YLPM1: variants seen among roughly 807,000 people sequenced by gnomAD.
YLPM1 encodes the protein YLP motif containing 1, also known as YLP motif-containing protein 1.
YLPM1 carries 99 observed loss-of-function variants against 230.0 expected under a neutral mutation model. The observed-to-expected ratio is 0.43, with a 90% CI of 0.37 to 0.51. YLPM1 has a LOEUF of 0.51. Among genes scored for constraint, YLPM1 ranks in the 20% least tolerant of loss-of-function variants. YLPM1 has a pLI of 0.00. For synonymous variants in YLPM1, 984 were observed against 942.5 expected (o/e 1.04, Z -0.81); for missense variants, 2,592 against 2,707.7 (o/e 0.96, Z 0.95).
intron 1 of YLPM1, among the ~76,000 whole-genome samples, chr14:74,776,112 A>T (rs1342243774): frequency 6.6e-6 from 1 of 151,188 alleles, no homozygotes; most frequent in Non-Finnish European, 1.5e-5. Context: ...TAATACTAGG[A>T]TAATGACACT....
chr14:74,810,048 A>G, intron 8 of YLPM1, 46 bp downstream of exon 8: 1 of 1,522,088 alleles, frequency 6.6e-7, no homozygotes, highest in South Asian at 1.2e-5. Context: ...TTTAGGGCCT[A>G]ATTATCACAT....
At chr14:74,814,144 G>T (rs534204512) in intron 11 of YLPM1, among the ~76,000 whole-genome samples, 2 of 152,260 alleles carry the variant, frequency 1.3e-5, no homozygotes, top group South Asian at 4.1e-4. Flanking sequence ...GGCGGATCAT[G>T]AGGTCAGGAG....
At chr14:74,806,953 C>A (rs1197112259) in intron 6 of YLPM1, among the ~76,000 whole-genome samples, 1 of 152,058 alleles carries the variant, frequency 6.6e-6, no homozygotes, top group Non-Finnish European at 1.5e-5. Flanking sequence ...AAGTATACAT[C>A]TATGAGATCT....
chr14:74,816,804 C>T, intron 13 of YLPM1, 114 bp downstream of exon 13: 1 of 1,448,002 alleles, frequency 6.9e-7, no homozygotes, highest in South Asian at 1.5e-5. Flanking sequence ...TTTCCGAACA[C>T]AGTACTTTAG....
chr14:74,763,756 GC>G lies in YLPM1; in HGVS notation c.269del (p.Pro90GlnfsTer2). 1 of 1,477,600 alleles carries G rather than the reference GC, an allele frequency of 6.8e-7. No individual in the cohort carries two copies. Among genetic ancestry groups the G allele is most frequent in the Non-Finnish European group, 9.0e-7 (1 of 1,114,056 alleles). The allele number at this position is 1,477,600 out of a possible 1,614,324, so 91.5% of individuals were successfully genotyped here. ...TTCCTCCGCCCCCTCTGCCGCCCCC[GC>G]CAGTGATGCCGGGGGGCGGCTACGG... ...HLPPPPLPPP[P>X]VMPGGGYGDW... On this transcript the variant is annotated frameshift_variant, in exon 1 of 21. Coordinates refer to ENST00000325680, the MANE Select transcript of YLPM1 (RefSeq NM_019589.3). LOFTEE classifies it high-confidence loss of function.
At chr14:74,787,217 A>G (rs2091158929) in intron 4 of YLPM1, among the ~76,000 whole-genome samples, 1 of 152,158 alleles carries the variant, frequency 6.6e-6, no homozygotes, top group African/African-American at 2.4e-5. Context: ...CATTATATGT[A>G]TTACAAATTT....
chr14:74,791,876 A>T (rs563272307), intron 4 of YLPM1, among the ~76,000 whole-genome samples: 2 of 152,180 alleles, frequency 1.3e-5, no homozygotes, highest in Non-Finnish European at 2.9e-5. Flanking sequence ...TTTGTTAGGA[A>T]GGGACTTTGC....
At chr14:74,808,525 G>C (rs986709065) in intron 6 of YLPM1, among the ~76,000 whole-genome samples, 1 of 152,014 alleles carries the variant, frequency 6.6e-6, no homozygotes, top group Non-Finnish European at 1.5e-5. Flanking sequence ...ATGTTTGGCC[G>C]GGTGCGGTGG....
At chr14:74,794,712 A>G (rs973801769) in intron 4 of YLPM1, among the ~76,000 whole-genome samples, 1 of 152,050 alleles carries the variant, frequency 6.6e-6, no homozygotes, top group African/African-American at 2.4e-5. Context: ...TCTTATTAAC[A>G]CATGTTAGAT....
chr14:74,799,349 G>A lies in YLPM1; in HGVS notation c.4052G>A (p.Trp1351Ter). The A allele has an allele frequency of 6.2e-7, 1 of 1,614,000 alleles. No homozygotes were observed. Among genetic ancestry groups the A allele is most frequent in the Non-Finnish European group, 8.5e-7 (1 of 1,179,882 alleles). ...PPLDRYRDDR[W>*]REERNREHGY... Reference sequence around the variant, plus strand: ...TTGGATAGATATCGGGATGATAGATGGAGAGAAGAAAGAAATCGAGAGCAT... The same window carrying A: ...TTGGATAGATATCGGGATGATAGATAGAGAGAAGAAAGAAATCGAGAGCAT... The change falls in exon 5 of 21, where the codon TGG becomes TAG. Residue 1351 changes from tryptophan (W) to a stop codon, truncating the protein, a stop_gained. Transcript: ENST00000325680. LOFTEE classifies it high-confidence loss of function.
intron 1 of YLPM1, among the ~76,000 whole-genome samples, chr14:74,764,712 C>T (rs892114875): frequency 6.6e-6 from 1 of 152,094 alleles, no homozygotes. Context: ...GTATTTTAAA[C>T]GAAAGTTTCC....
At position 74,802,554 on chromosome 14, in the gene YLPM1, A is replaced by G; in HGVS notation, c.4401-2A>G. The G allele has an allele frequency of 6.2e-7, 1 of 1,609,980 alleles. No individual in the cohort carries two copies. The highest frequency in any genetic ancestry group is 8.5e-7 in the Non-Finnish European group (1 of 1,178,752). ...TACTATGTCAATTTTATTTGTTTGC[A>G]GGGAACAGAAAGAACAGCTTCAAAA... is the stretch of plus-strand genomic sequence containing the variant. On this transcript the variant is annotated splice_acceptor_variant, in intron 5 of 20. Coordinates refer to ENST00000325680, the MANE Select transcript of YLPM1 (RefSeq NM_019589.3). LOFTEE classifies it high-confidence loss of function.
intron 14 of YLPM1, 32 bp from the exon 15 acceptor site, chr14:74,817,162 T>A (rs747589207): frequency 1.2e-5 from 19 of 1,595,932 alleles, no homozygotes; most frequent in Non-Finnish European, 1.6e-5. Flanking sequence ...ATGTTATATA[T>A]CTTTGCCTAA....
chr14:74,830,193 A>C (rs1470498331), intron 19 of YLPM1, among the ~76,000 whole-genome samples: 2 of 152,216 alleles, frequency 1.3e-5, no homozygotes, highest in Non-Finnish European at 2.9e-5. Context: ...ATCAGTCTAC[A>C]GTGATGAGGC....
In YLPM1 at chr14:74,802,693, G is replaced by T. The variant is rs745973638; in HGVS notation, c.4521+17G>T. On this transcript the variant is annotated intron_variant, in intron 6 of 20. Transcript: ENST00000325680. ...ATGTATCCGGTATGGGAGAATGTGTGCTCAGAAAATGAAATGGTTTCTACT... is the reference window on the plus strand; with the variant it reads ...ATGTATCCGGTATGGGAGAATGTGTTCTCAGAAAATGAAATGGTTTCTACT... 4 of 1,577,450 alleles carry T rather than the reference G, an allele frequency of 2.5e-6. No homozygotes were observed. Among genetic ancestry groups the T allele is most frequent in the Non-Finnish European group, 3.4e-6 (4 of 1,164,632 alleles).
chr14:74,789,990 C>A (rs2091190788), intron 4 of YLPM1, among the ~76,000 whole-genome samples: 1 of 151,808 alleles, frequency 6.6e-6, no homozygotes, highest in South Asian at 2.1e-4. Context: ...GAACATAGGC[C>A]ATAGTTTGCT....
chr14:74,763,468 G>A lies in YLPM1; in HGVS notation c.-22G>A, dbSNP rs758649973. 115 of 1,435,080 alleles carry A rather than the reference G, an allele frequency of 8.0e-5. No individual in the cohort carries two copies. Among genetic ancestry groups the A allele is most frequent in the Non-Finnish European group, 1.0e-4 (114 of 1,089,802 alleles). The allele number at this position is 1,435,080 out of a possible 1,614,324, so 88.9% of individuals were successfully genotyped here. On this transcript the variant is annotated 5_prime_UTR_variant, in exon 1 of 21. Transcript: ENST00000325680. The stretch of plus-strand genomic sequence containing the variant: ...GCGACGAGTAACGGCGCCAGGACGA[G>A]CCCTGCGCCTTCTTTTTCGATATGT...
Position 74,812,711 on chromosome 14 carries a change from G to A in YLPM1, c.5431G>A (p.Glu1811Lys), listed in dbSNP as rs1401511769. 6 of 1,613,302 alleles carry A rather than the reference G, an allele frequency of 3.7e-6. No individual in the cohort carries two copies. Among genetic ancestry groups the A allele is most frequent in the East Asian group, 2.2e-5 (1 of 44,860 alleles). The change falls in exon 11 of 21, where the codon GAG becomes AAG. Residue 1811 changes from glutamate to lysine, a missense_variant. Coordinates refer to ENST00000325680, the MANE Select transcript of YLPM1 (RefSeq NM_019589.3). Reference sequence around the variant, plus strand: ...CCAGCCTCCTCCAGCTCCACGAGTCGAGAAGAAGCCTGAATCAAAGAATGT... The same window carrying A: ...CCAGCCTCCTCCAGCTCCACGAGTCAAGAAGAAGCCTGAATCAAAGAATGT... ...SHQPPPAPRV[E>K]KKPESKNVDD...
rs962351003 is a variant in YLPM1 at position 74,798,726 on chromosome 14, G to A, written c.3429G>A (p.Glu1143=). ...RIPPRRAGSR[E]RGPPRGPGSR... is the part of the protein sequence containing the mutation. ...CACCCCGAAGAGCTGGGAGCAGGGAGAGAGGACCACCTCGAGGGCCTGGCA... is the reference window on the plus strand; with the variant it reads ...CACCCCGAAGAGCTGGGAGCAGGGAAAGAGGACCACCTCGAGGGCCTGGCA... Residue 1143 remains glutamate (E), a synonymous_variant, in exon 5 of 21, where the codon GAG becomes GAA. Coordinates refer to ENST00000325680, the MANE Select transcript of YLPM1 (RefSeq NM_019589.3). 1.2e-6 allele frequency: 2 copies of A among 1,612,646 alleles called. No homozygotes were observed. Among genetic ancestry groups the A allele is most frequent in the African/African-American group, 2.7e-5 (2 of 74,814 alleles).
Sources: gnomAD v4.1 joint callset for allele counts (sites outside exome capture counted in the v4.1 genomes callset) on GRCh38, gnomAD v4.1.1 for gene constraint, MANE v1.5 for transcripts, NCBI Gene and HGNC (gene_info 2026-07-23, HGNC 2026-07-21) for gene names.